The following NFXL1 variants were observed in gnomAD, a reference collection of about 807,000 sequenced individuals.
NFXL1 encodes the protein nuclear transcription factor, X-box binding like 1.
A neutral mutation model predicts 123.3 loss-of-function variants in NFXL1; 66 were observed. The ratio of observed to expected loss-of-function variants is 0.54; its 90% CI spans 0.44 to 0.66. The LOEUF (loss-of-function observed/expected upper bound fraction) is 0.66, where lower values mean the gene tolerates loss of function less well. NFXL1 is among the 30% of genes least tolerant of loss of function. The probability of loss-of-function intolerance (pLI) is 0.00; values close to 1 mark genes in which losing one functional copy is unlikely to be tolerated. For synonymous variants in NFXL1, 346 were observed against 360.8 expected, an observed-to-expected ratio of 0.96 and a Z score of 0.46; for missense variants, 944 against 1,125.6, an observed-to-expected ratio of 0.84 and a Z score of 2.31.
At chr4:47,898,607 G>C in intron 8 of NFXL1, 150 bp downstream of exon 8, 1 of 562,132 alleles carries the variant, frequency 1.8e-6, no homozygotes, top group South Asian at 2.6e-5. Context: ...AAATTTAAAA[G>C]TAGTTTCTTA....
intron 19 of NFXL1, among the ~76,000 whole-genome samples, chr4:47,861,855 AG>A (rs1165263058): frequency 1.3e-5 from 2 of 152,248 alleles, no homozygotes; most frequent in Non-Finnish European, 2.9e-5. Flanking sequence ...AATATTAAAA[AG>A]GTATGTAATG....
Position 47,906,976 on chromosome 4 carries a change from A to C in NFXL1, c.407-1630T>G, listed in dbSNP as rs551658999. Among the ~76,000 whole-genome samples the C allele has an allele frequency of 6.6e-5, 10 of 152,318 alleles. No individual in the cohort carries two copies. In the South Asian group the frequency reaches 2.1e-3, roughly 32 times the overall value. On this transcript the variant is annotated intron_variant, in intron 3 of 22. Coordinates refer to ENST00000507489, the MANE Select transcript of NFXL1 (RefSeq NM_001278624.2). ...GACAGTTACAGCAGATTAAGCAAAA[A>C]ATGACTTTGAGCAAGTTACCTAATG... is the stretch of plus-strand genomic sequence containing the variant.
intron 18 of NFXL1, 118 bp from the exon 19 acceptor site, chr4:47,863,033 A>C: frequency 1.5e-6 from 1 of 646,398 alleles, no homozygotes; most frequent in Non-Finnish European, 2.7e-6. Flanking sequence ...CTCAAGAAAT[A>C]CTTTAATTAT....
chr4:47,876,830 C>G (rs1578010767), intron 17 of NFXL1, among the ~76,000 whole-genome samples: 1 of 152,018 alleles, frequency 6.6e-6, no homozygotes, highest in African/African-American at 2.4e-5. Context: ...CTATTGATGA[C>G]AAACCTAACA....
rs748694794 is a variant in NFXL1 at position 47,910,987 on chromosome 4, C to T, written c.243G>A (p.Met81Ile). The change falls in exon 3 of 23, where the codon ATG becomes ATA. Residue 81 changes from methionine to isoleucine, a missense_variant. Met to Ile is a conservative substitution (Grantham distance 10). Transcript: ENST00000507489. Reference protein sequence around the residue: ...ALQTTAASELMSQKKFEEIKK... With the variant: ...ALQTTAASELISQKKFEEIKK... ...TGATTTCTTCAAATTTTTTCTGAGA[C>T]ATTAGCTCTGTTTAAAAGAAAAAAG... is the stretch of plus-strand genomic sequence containing the variant. 2.6e-6 allele frequency: 4 copies of T among 1,568,260 alleles called. No homozygotes were observed.
chr4:47,910,035 T>C (rs1737749761), intron 3 of NFXL1, among the ~76,000 whole-genome samples: 2 of 152,214 alleles, frequency 1.3e-5, no homozygotes, highest in African/African-American at 4.8e-5. Flanking sequence ...ACATTTAAAA[T>C]AATCTATTTT....
chr4:47,884,312 G>GTTTTTTTTTTTTTTTTTTTT (rs747096244), intron 15 of NFXL1, 34 bp downstream of exon 15: 1 of 802,044 alleles, frequency 1.2e-6, no homozygotes, highest in Admixed American at 3.0e-5. Flanking sequence ...AAAGTTTTTT[G>GTTTTTTTTTTTTTTTTTTTT]TTTTTTTTTT....
chr4:47,890,707 A>T lies in NFXL1; in HGVS notation c.1453-4T>A, dbSNP rs188343245. ...GTGGACAGTTTCCAGGGCAACACTGAAGAGAAAGCAATATATAAAGAACAG... is the reference window on the plus strand; with the variant it reads ...GTGGACAGTTTCCAGGGCAACACTGTAGAGAAAGCAATATATAAAGAACAG... On this transcript the variant is annotated splice_region_variant and splice_polypyrimidine_tract_variant and intron_variant, in intron 11 of 22. Coordinates refer to ENST00000507489, the MANE Select transcript of NFXL1 (RefSeq NM_001278624.2). 220 of 1,559,430 alleles carry T rather than the reference A, an allele frequency of 1.4e-4. No individual in the cohort carries two copies. In the African/African-American group the frequency reaches 2.5e-3, roughly 18 times the overall value.
chr4:47,908,911 C>T (rs1350155170), intron 3 of NFXL1, among the ~76,000 whole-genome samples: 3 of 144,012 alleles, frequency 2.1e-5, no homozygotes, highest in Admixed American at 7.2e-5. Flanking sequence ...GCTGAGATTG[C>T]GCCACTGCAC....
intron 3 of NFXL1, among the ~76,000 whole-genome samples, chr4:47,908,635 A>G (rs1737672072): frequency 6.6e-6 from 1 of 152,028 alleles, no homozygotes; most frequent in Non-Finnish European, 1.5e-5. Flanking sequence ...GGGCCTTATG[A>G]TCAAGGGAAG....
chr4:47,897,008 A>C (rs989747181), intron 9 of NFXL1, among the ~76,000 whole-genome samples: 1 of 152,186 alleles, frequency 6.6e-6, no homozygotes, highest in Non-Finnish European at 1.5e-5. Context: ...CCACAAAGAC[A>C]AAAAGAAAGG....
chr4:47,893,940 T>C (rs865879358), intron 11 of NFXL1, among the ~76,000 whole-genome samples: 22 of 150,130 alleles, frequency 1.5e-4, no homozygotes, highest in African/African-American at 4.9e-4. Context: ...ATCAGAAATA[T>C]CAAGCTGAGA....
In NFXL1 at chr4:47,861,145, G is replaced by A. The variant is rs1734745120; in HGVS notation, c.2316+1701C>T. On this transcript the variant is annotated intron_variant, in intron 19 of 22. Transcript: ENST00000507489. ...CAAAGTGCTGGGATTACAGGCATGA[G>A]CCACCATGCCCGGCCCAGCAATCTG... Among the ~76,000 whole-genome samples the A allele has an allele frequency of 4.0e-5, 6 of 151,588 alleles. No individual in the cohort carries two copies. The South Asian group carries it at 8.3e-4, about 21-fold the overall frequency.
intron 18 of NFXL1, among the ~76,000 whole-genome samples, chr4:47,873,334 A>G (rs982268450): frequency 3.9e-5 from 6 of 152,206 alleles, no homozygotes; most frequent in Non-Finnish European, 8.8e-5. Context: ...TCCTTTCCAG[A>G]ACGTTTTCAA....
chr4:47,908,377 T>A (rs1001171291), intron 3 of NFXL1, among the ~76,000 whole-genome samples: 1 of 150,808 alleles, frequency 6.6e-6, no homozygotes, highest in Admixed American at 6.6e-5. Flanking sequence ...GGAGCTATGA[T>A]CACATCACTG....
At position 47,847,340 on chromosome 4, in the gene NFXL1, TTCTC is replaced by T. The variant is rs1733867594; in HGVS notation, c.*819_*822del. 6.6e-6 allele frequency: 1 copy of T among 152,196 alleles called. No individual in the cohort carries two copies. Among genetic ancestry groups the T allele is most frequent in the Admixed American group, 6.5e-5 (1 of 15,278 alleles). 9.4% of individuals were successfully genotyped at this position (152,196 alleles called of 1,614,324 possible). A position where few individuals can be genotyped will look rare whatever the true frequency, so the allele number is the denominator to read the frequency against. The stretch of plus-strand genomic sequence containing the variant: ...TCAAACAGATTTGACTTACTGATAT[TTCTC>T]TATTTGTTTTCATAAGAACTGATTA... On this transcript the variant is annotated 3_prime_UTR_variant, in exon 23 of 23. Coordinates refer to ENST00000507489, the MANE Select transcript of NFXL1 (RefSeq NM_001278624.2).
At chr4:47,908,661 GAAAC>G (rs1318556255) in intron 3 of NFXL1, among the ~76,000 whole-genome samples, 2 of 151,922 alleles carry the variant, frequency 1.3e-5, no homozygotes, top group Non-Finnish European at 1.5e-5. Flanking sequence ...ACTGAAAAAA[GAAAC>G]AAATTTTTGG....
At chr4:47,875,023 C>A in intron 18 of NFXL1, 104 bp downstream of exon 18, 2 of 613,478 alleles carry the variant, frequency 3.3e-6, no homozygotes, top group Admixed American at 3.1e-5. Context: ...AAAATCTAGG[C>A]ATCTAGAGTT....
chr4:47,883,941 A>C (rs1293751551), intron 15 of NFXL1, among the ~76,000 whole-genome samples: 1 of 152,172 alleles, frequency 6.6e-6, no homozygotes, highest in Non-Finnish European at 1.5e-5. Context: ...TCTCATTTCC[A>C]AGGCTTCCTT....
Sources: gnomAD v4.1 joint callset for allele counts (sites outside exome capture counted in the v4.1 genomes callset) on GRCh38, gnomAD v4.1.1 for gene constraint, MANE v1.5 for transcripts, NCBI Gene and HGNC (gene_info 2026-07-23, HGNC 2026-07-21) for gene names.